PPP2R2C: variants seen among roughly 807,000 people sequenced by gnomAD.
PPP2R2C encodes protein phosphatase 2, regulatory subunit B, gamma.
In PPP2R2C, 10 loss-of-function variants were observed where a neutral mutation model predicts 45.3. The ratio of observed to expected loss-of-function variants is 0.22; its 90% confidence interval spans 0.14 to 0.37. PPP2R2C has a LOEUF of 0.37. Ranked by LOEUF, PPP2R2C falls within the 10% of genes least tolerant of loss-of-function variation. The pLI is 1.00. For synonymous variants in PPP2R2C, 257 were observed against 245.4 expected, an observed-to-expected ratio of 1.05 and a Z score of -0.44; for missense variants, 308 against 619.7, an observed-to-expected ratio of 0.50 and a Z score of 5.34.
chr4:6,477,341 T>C (rs979845738), upstream of PPP2R2C, among the ~76,000 whole-genome samples: 5 of 152,194 alleles, frequency 3.3e-5, no homozygotes, highest in Non-Finnish European at 7.3e-5. Flanking sequence ...TAACAGAAGA[T>C]TGTCCCTGTT....
intron 2 of PPP2R2C, among the ~76,000 whole-genome samples, chr4:6,526,221 T>C (rs768197003): frequency 6.6e-6 from 1 of 152,248 alleles, no homozygotes; most frequent in Non-Finnish European, 1.5e-5. Flanking sequence ...TGAATATTCA[T>C]AGCTCTTCCT....
intron 1 of PPP2R2C, among the ~76,000 whole-genome samples, chr4:6,547,542 CA>C (rs1386455986): frequency 1.3e-5 from 2 of 152,118 alleles, no homozygotes; most frequent in Admixed American, 1.3e-4. Context: ...CCAAGAAAAA[CA>C]GGCCTGAGGC....
intron 6 of PPP2R2C, among the ~76,000 whole-genome samples, chr4:6,342,455 A>T (rs1332849328): frequency 6.6e-6 from 1 of 152,228 alleles, no homozygotes; most frequent in Non-Finnish European, 1.5e-5. Context: ...ATATAAACTG[A>T]AAACAGCATG....
At chr4:6,510,447 A>C (rs1215508612) in intron 2 of PPP2R2C, among the ~76,000 whole-genome samples, 2 of 152,066 alleles carry the variant, frequency 1.3e-5, no homozygotes, top group Admixed American at 1.3e-4. Flanking sequence ...ATCACCTTCT[A>C]TCCATCACCC....
intron 1 of PPP2R2C, among the ~76,000 whole-genome samples, chr4:6,542,914 T>C (rs1724852757): frequency 6.6e-6 from 1 of 152,108 alleles, no homozygotes; most frequent in Non-Finnish European, 1.5e-5. Context: ...ATGTGCAGAA[T>C]ATATTAGAAG....
intron 1 of PPP2R2C, among the ~76,000 whole-genome samples, chr4:6,423,138 G>A (rs1340227792): frequency 3.3e-5 from 5 of 152,184 alleles, no homozygotes; most frequent in African/African-American, 1.2e-4. Flanking sequence ...AAATATTCAT[G>A]CAGACCTACT....
intron 1 of PPP2R2C, chr4:6,381,598 C>T (rs992638515): frequency 1.0e-5 from 15 of 1,459,310 alleles, no homozygotes; most frequent in Middle Eastern, 2.1e-4. Context: ...GAATTACCCC[C>T]TCTCCTTCAG....
rs151189634 is a variant in PPP2R2C, at chr4:6,331,881, G to A, written c.960+1681C>T. On this transcript the variant is annotated intron_variant, in intron 7 of 8. Coordinates refer to ENST00000382599, the MANE Select transcript of PPP2R2C (RefSeq NM_020416.4). This position sits in a 1 kb window ranked among gnomAD's most constrained non-coding sequence, Gnocchi z 5.9. ...GTTAAGCACCGCACACCAGCCGAACGCAGTCCTGCTACACACAATTTCTAG... is the reference window on the plus strand; with the variant it reads ...GTTAAGCACCGCACACCAGCCGAACACAGTCCTGCTACACACAATTTCTAG... 3.3e-5 allele frequency among the ~76,000 whole-genome samples: 5 copies of A among 152,300 alleles called. No homozygotes were observed. Among genetic ancestry groups the A allele is most frequent in the East Asian group, 1.9e-4 (1 of 5,178 alleles).
At position 6,471,895 on chromosome 4, in the gene PPP2R2C, G is replaced by A. The variant is rs1560572874; in HGVS notation, c.70+265C>T. ...ATGCCACCTGGCTTGGGAGAGGAAAGCTGCCTCCCGGAGGGCGGCGCGGAG... is the reference window on the plus strand; with the variant it reads ...ATGCCACCTGGCTTGGGAGAGGAAAACTGCCTCCCGGAGGGCGGCGCGGAG... On this transcript the variant is annotated intron_variant, in intron 1 of 8. Coordinates refer to ENST00000382599, the MANE Select transcript of PPP2R2C (RefSeq NM_020416.4). The surrounding 1 kb of genome is among the most constrained non-coding windows in gnomAD (Gnocchi z 5.6). 6.6e-6 allele frequency among the ~76,000 whole-genome samples: 1 copy of A among 151,684 alleles called. No individual in the cohort carries two copies. Among genetic ancestry groups the A allele is most frequent in the Non-Finnish European group, 1.5e-5 (1 of 67,918 alleles).
intron 1 of PPP2R2C, among the ~76,000 whole-genome samples, chr4:6,438,712 T>G (rs1454557141): frequency 6.6e-6 from 1 of 152,230 alleles, no homozygotes; most frequent in Non-Finnish European, 1.5e-5. Flanking sequence ...ATGTCATTTG[T>G]TTGGGATTTT....
At chr4:6,418,615 G>A (rs527856339) in intron 1 of PPP2R2C, among the ~76,000 whole-genome samples, 1 of 152,158 alleles carries the variant, frequency 6.6e-6, no homozygotes, top group Non-Finnish European at 1.5e-5. Flanking sequence ...CATAGGCTGA[G>A]CTGCTCTTCC....
intron 1 of PPP2R2C, chr4:6,384,408 G>T (rs1716076033): frequency 1.0e-6 from 1 of 984,942 alleles, no homozygotes; most frequent in Non-Finnish European, 1.2e-6. Flanking sequence ...TAGCTTTAGG[G>T]TAGCTGGAAC....
intron 2 of PPP2R2C, among the ~76,000 whole-genome samples, chr4:6,531,768 C>T (rs1323660081): frequency 1.3e-5 from 2 of 152,128 alleles, no homozygotes; most frequent in Non-Finnish European, 2.9e-5. Context: ...AGTCTCCCTA[C>T]CTTGCCACTC....
chr4:6,404,113 C>T (rs1717631237), intron 1 of PPP2R2C, among the ~76,000 whole-genome samples: 1 of 152,142 alleles, frequency 6.6e-6, no homozygotes, highest in African/African-American at 2.4e-5. Flanking sequence ...GTTGATGTCC[C>T]AGGAAGGGGA....
chr4:6,351,720 G>A lies in PPP2R2C; in HGVS notation c.626-3710C>T, dbSNP rs150133349. On this transcript the variant is annotated intron_variant, in intron 5 of 8. Coordinates refer to ENST00000382599, the MANE Select transcript of PPP2R2C (RefSeq NM_020416.4). ...AGGCCCTCCACAACAGGGTCCCCAC[G>A]GTAAGATCTCCGTGGGGAGGCAAGC... Among the ~76,000 whole-genome samples, 364 of 152,198 alleles carry A rather than the reference G, an allele frequency of 2.4e-3. 8 individuals are homozygous for A. The highest frequency in any genetic ancestry group is 0.021 in the Admixed American group (317 of 15,294).
At chr4:6,458,431 C>G (rs1721157114) in intron 1 of PPP2R2C, among the ~76,000 whole-genome samples, 1 of 152,178 alleles carries the variant, frequency 6.6e-6, no homozygotes, top group Admixed American at 6.5e-5. Context: ...CCTCACATGA[C>G]AGAAGGGCAA....
chr4:6,354,036 A>T (rs940331502), intron 5 of PPP2R2C, among the ~76,000 whole-genome samples: 1 of 141,382 alleles, frequency 7.1e-6, no homozygotes, highest in Non-Finnish European at 1.5e-5. Flanking sequence ...CTTCTTCCTC[A>T]TTCTAAGCCC....
At chr4:6,343,674 C>T (rs894890719) in intron 6 of PPP2R2C, among the ~76,000 whole-genome samples, 11 of 152,050 alleles carry the variant, frequency 7.2e-5, no homozygotes, top group African/African-American at 2.2e-4. Context: ...GAGCCAAGAT[C>T]GTGTCAGGGT....
intron 1 of PPP2R2C, among the ~76,000 whole-genome samples, chr4:6,405,944 CA>C (rs1717770446): frequency 6.6e-6 from 1 of 152,068 alleles, no homozygotes. Context: ...TTCCTGGCAG[CA>C]GGGGGGTCTC....
Sources: gnomAD v4.1 joint callset for allele counts (sites outside exome capture counted in the v4.1 genomes callset) on GRCh38, gnomAD v4.1.1 for gene constraint, Gnocchi (gnomAD v3.1) non-coding constraint, MANE v1.5 for transcripts, NCBI Gene and HGNC (gene_info 2026-07-23, HGNC 2026-07-21) for gene names.